Variants in DPYSL5 observed in about 807,000 individuals in gnomAD.
The protein encoded by DPYSL5 is dihydropyrimidinase-related protein 5.
Under a neutral mutation model 58.4 loss-of-function variants are expected in DPYSL5, and 9 were observed. The observed-to-expected ratio is 0.15, with a 90% CI of 0.09 to 0.27. The LOEUF (loss-of-function observed/expected upper bound fraction) is 0.27, where lower values mean the gene tolerates loss of function less well. Among genes scored for constraint, DPYSL5 ranks in the 10% least tolerant of loss-of-function variants. The probability of loss-of-function intolerance (pLI) is 1.00; values close to 1 mark genes in which losing one functional copy is unlikely to be tolerated. For missense variants in DPYSL5, 499 were observed against 770.6 expected (o/e 0.65, Z 4.17); for synonymous variants, 293 against 301.9 (o/e 0.97, Z 0.31).
intron 1 of DPYSL5, among the ~76,000 whole-genome samples, chr2:26,888,255 T>TTCTGTCTTTCTTTCTG (rs1553316478): frequency 2.3e-4 from 25 of 108,256 alleles, no homozygotes; most frequent in African/African-American, 9.7e-4. Flanking sequence ...CTTTCTTTCT[T>TTCTGTCTTTCTTTCTG]TCTTTCTTTC....
At position 26,903,222 on chromosome 2, in the gene DPYSL5, A is replaced by T. The variant is rs149780860; in HGVS notation, c.261+4462A>T. ...GTAGCTGAGATTACAGGTGCACACC[A>T]CCACATCTGGCTAATTTTTTGTATT... On this transcript the variant is annotated intron_variant, in intron 2 of 12. Transcript: ENST00000288699. 2.0e-3 allele frequency among the ~76,000 whole-genome samples: 305 copies of T among 152,296 alleles called. 3 individuals carry two copies. Among genetic ancestry groups the T allele is most frequent in the African/African-American group, 6.9e-3 (287 of 41,566 alleles).
At chr2:26,929,633 C>G (rs116912885) in intron 5 of DPYSL5, among the ~76,000 whole-genome samples, 1 of 152,246 alleles carries the variant, frequency 6.6e-6, no homozygotes, top group African/African-American at 2.4e-5. Flanking sequence ...TCCACGAAAC[C>G]GGTCCCTGGT....
At chr2:26,888,188 T>G (rs1163274898) in intron 1 of DPYSL5, among the ~76,000 whole-genome samples, 2 of 150,582 alleles carry the variant, frequency 1.3e-5, no homozygotes, top group Non-Finnish European at 1.5e-5. Flanking sequence ...TTCTTTCTTT[T>G]TCCTTCCTTC....
intron 1 of DPYSL5, among the ~76,000 whole-genome samples, chr2:26,872,501 C>T (rs1258399855): frequency 6.6e-6 from 1 of 152,058 alleles, no homozygotes; most frequent in Non-Finnish European, 1.5e-5. Context: ...AACAGCCTGC[C>T]CAACATGGTG....
chr2:26,894,735 G>A (rs903062437), intron 1 of DPYSL5, among the ~76,000 whole-genome samples: 1 of 152,076 alleles, frequency 6.6e-6, no homozygotes, highest in African/African-American at 2.4e-5. Flanking sequence ...CCGTTTCTAG[G>A]CTTTCTTTAC....
At chr2:26,880,503 TCTTG>T (rs1663531591) in intron 1 of DPYSL5, among the ~76,000 whole-genome samples, 1 of 152,212 alleles carries the variant, frequency 6.6e-6, no homozygotes, top group African/African-American at 2.4e-5. Flanking sequence ...AGCCTCGACC[TCTTG>T]CTCTGCACCC....
intron 1 of DPYSL5, among the ~76,000 whole-genome samples, chr2:26,878,041 G>A (rs1663458087): frequency 6.6e-6 from 1 of 152,194 alleles, no homozygotes; most frequent in Non-Finnish European, 1.5e-5. Flanking sequence ...TCCTTAGGAG[G>A]AATTCTTAGA....
chr2:26,880,675 C>T (rs1663537700), intron 1 of DPYSL5, among the ~76,000 whole-genome samples: 1 of 152,218 alleles, frequency 6.6e-6, no homozygotes, highest in South Asian at 2.1e-4. Flanking sequence ...CTCCTCTCCC[C>T]CAGCCCTTGA....
intron 1 of DPYSL5, among the ~76,000 whole-genome samples, chr2:26,860,090 A>G (rs541212007): frequency 6.6e-6 from 1 of 152,300 alleles, no homozygotes; most frequent in Non-Finnish European, 1.5e-5. Context: ...AGGGATGCTA[A>G]TATCGTCCTC....
chr2:26,867,632 T>C (rs1663132372), intron 1 of DPYSL5, among the ~76,000 whole-genome samples: 1 of 151,850 alleles, frequency 6.6e-6, no homozygotes, highest in Admixed American at 6.6e-5. Flanking sequence ...ATTTTTTGTA[T>C]TTTTAGTAGA....
chr2:26,868,159 T>C (rs530647662), intron 1 of DPYSL5, among the ~76,000 whole-genome samples: 2 of 152,346 alleles, frequency 1.3e-5, no homozygotes, highest in South Asian at 4.1e-4. Context: ...TTCTTCTGTG[T>C]ATCACTTACT....
Position 26,927,146 on chromosome 2 carries a change from C to T in DPYSL5, c.421-107C>T. ...GAGGTGTGGGGGGTCAACCGACAGA[C>T]TGAGCTGGGGCAGGCCCCACATCTC... On this transcript the variant is annotated intron_variant, in intron 3 of 12. Transcript: ENST00000288699. The surrounding 1 kb of genome is among the most constrained non-coding windows in gnomAD (Gnocchi z 4.3). 8.2e-7 allele frequency: 1 copy of T among 1,225,462 alleles called. No homozygotes were observed. Among genetic ancestry groups the T allele is most frequent in the Non-Finnish European group, 1.1e-6 (1 of 888,706 alleles). 75.9% of individuals were successfully genotyped at this position (1,225,462 alleles called of 1,614,324 possible).
intron 1 of DPYSL5, among the ~76,000 whole-genome samples, chr2:26,893,386 T>C (rs1663937110): frequency 1.3e-5 from 2 of 152,320 alleles, no homozygotes; most frequent in South Asian, 4.1e-4. Context: ...GGCCTTTTCA[T>C]CCTGGGACAC....
chr2:26,867,456 TTTG>T (rs1337331165), intron 1 of DPYSL5, among the ~76,000 whole-genome samples: 1 of 136,458 alleles, frequency 7.3e-6, no homozygotes, highest in African/African-American at 2.9e-5. Context: ...TTTTTTTTTG[TTTG>T]TTTTTTTTTT....
At chr2:26,938,473 G>T (rs1316247763) in intron 8 of DPYSL5, 2 of 152,240 alleles carry the variant, frequency 1.3e-5, no homozygotes, top group East Asian at 3.9e-4. Flanking sequence ...CTTGCAAAGA[G>T]TCTCTGCAAG....
At position 26,944,827 on chromosome 2, in the gene DPYSL5, AAG is replaced by A. The variant is rs1374033558; in HGVS notation, c.1609+6_1609+7del. On this transcript the variant is annotated splice_donor_5th_base_variant and intron_variant, in intron 12 of 12. Transcript: ENST00000288699. The surrounding 1 kb of genome is among the most constrained non-coding windows in gnomAD (Gnocchi z 4.4). The stretch of plus-strand genomic sequence containing the variant: ...CGAATCCAGCTTCAGCCTCTCTGGT[AAG>A]AGTCAGGGGGCCACGGGAGGAGGAT... 5 of 1,613,778 alleles carry A rather than the reference AAG, an allele frequency of 3.1e-6. No individual in the cohort carries two copies. In the African/African-American group the frequency reaches 6.7e-5, roughly 22 times the overall value.
At chr2:26,867,135 C>T (rs1666163818) in intron 1 of DPYSL5, among the ~76,000 whole-genome samples, 1 of 152,122 alleles carries the variant, frequency 6.6e-6, no homozygotes, top group African/African-American at 2.4e-5. Flanking sequence ...CCACAGTTTA[C>T]CCTATACACA....
In DPYSL5 at chr2:26,924,105, C is replaced by A. The variant is rs2148157410; in HGVS notation, c.262-782C>A. 6.6e-6 allele frequency among the ~76,000 whole-genome samples: 1 copy of A among 152,304 alleles called. No homozygotes were observed. Among genetic ancestry groups the A allele is most frequent in the Non-Finnish European group, 1.5e-5 (1 of 68,028 alleles). ...AAGTTGAGTGGGGGAATCTCTAATA[C>A]AGATTTAGTCATTTTTCCTGGGGGT... On this transcript the variant is annotated intron_variant, in intron 2 of 12. Coordinates refer to ENST00000288699, the MANE Select transcript of DPYSL5 (RefSeq NM_020134.4). The surrounding 1 kb of genome is among the most constrained non-coding windows in gnomAD (Gnocchi z 4.7).
intron 5 of DPYSL5, among the ~76,000 whole-genome samples, chr2:26,928,657 A>G (rs1664885427): frequency 7.0e-6 from 1 of 143,774 alleles, no homozygotes. Flanking sequence ...AGCCGTGATG[A>G]TGCCACTGCA....
Sources: gnomAD v4.1 joint callset for allele counts (sites outside exome capture counted in the v4.1 genomes callset) on GRCh38, gnomAD v4.1.1 for gene constraint, Gnocchi (gnomAD v3.1) non-coding constraint, MANE v1.5 for transcripts, NCBI Gene and HGNC (gene_info 2026-07-23, HGNC 2026-07-21) for gene names.